SNRPN: variants seen among roughly 807,000 people sequenced by gnomAD.
The protein encoded by SNRPN is small nuclear ribonucleoprotein-associated protein N.
In SNRPN, 7 loss-of-function variants were observed where a neutral mutation model predicts 25.2. The ratio of observed to expected loss-of-function variants is 0.28; its 90% confidence interval spans 0.16 to 0.52. SNRPN has a LOEUF of 0.52. Among genes scored for constraint, SNRPN ranks in the 20% least tolerant of loss-of-function variants. SNRPN has a pLI of 0.96. For missense variants in SNRPN, 196 were observed against 322.5 expected (o/e 0.61, Z 3.00); for synonymous variants, 124 against 110.6 (o/e 1.12, Z -0.76).
chr15:24,915,109 A>C (rs2059432956), intron 2 of SNRPN, among the ~76,000 whole-genome samples: 2 of 151,730 alleles, frequency 1.3e-5, no homozygotes, highest in South Asian at 4.2e-4. Flanking sequence ...CAAGGAGAAG[A>C]GGGTTCTTTT....
intron 1 of SNRPN, among the ~76,000 whole-genome samples, chr15:24,877,236 A>G (rs2056000019): frequency 6.6e-6 from 1 of 152,202 alleles, no homozygotes; most frequent in Non-Finnish European, 1.5e-5. Flanking sequence ...ATGCTAGTTC[A>G]ATAATGAATT....
chr15:24,917,692 G>A (rs2152414748), intron 2 of SNRPN, among the ~76,000 whole-genome samples: 1 of 152,386 alleles, frequency 6.6e-6, no homozygotes, highest in East Asian at 1.9e-4. Context: ...GAGGATGTTG[G>A]TGCTGCTCTT....
chr15:24,939,390 G>A (rs991556221), intron 3 of SNRPN, among the ~76,000 whole-genome samples: 1 of 152,100 alleles, frequency 6.6e-6, no homozygotes, highest in South Asian at 2.1e-4. Flanking sequence ...TGTCTTTGGA[G>A]AATTCTTATT....
At chr15:24,902,627 GT>G (rs1240348540) in intron 2 of SNRPN, among the ~76,000 whole-genome samples, 4 of 152,108 alleles carry the variant, frequency 2.6e-5, no homozygotes, top group Admixed American at 2.6e-4. Flanking sequence ...TGTGTCCAGA[GT>G]TTCTTCCTTC....
At chr15:24,914,353 C>G (rs1271077920) in intron 2 of SNRPN, among the ~76,000 whole-genome samples, 1 of 152,108 alleles carries the variant, frequency 6.6e-6, no homozygotes, top group East Asian at 1.9e-4. Flanking sequence ...AAGTACCTTT[C>G]AAAAGATACC....
intron 2 of SNRPN, among the ~76,000 whole-genome samples, chr15:24,916,153 G>A (rs55866223): frequency 0.13 from 20,268 of 151,762 alleles, 1,652 homozygotes; most frequent in African/African-American, 0.21. Context: ...TAGATAATGG[G>A]GTTTCACTAC....
chr15:24,873,472 A>G (rs557854577), intron 1 of SNRPN, among the ~76,000 whole-genome samples: 3 of 128,124 alleles, frequency 2.3e-5, no homozygotes, highest in South Asian at 5.5e-4. Flanking sequence ...TTTTGAGACA[A>G]AGTCTCGCTC....
At chr15:24,826,246 A>G (rs1311727465) in intron 1 of SNRPN, among the ~76,000 whole-genome samples, 1 of 151,994 alleles carries the variant, frequency 6.6e-6, no homozygotes, top group Non-Finnish European at 1.5e-5. Context: ...CACTGTTAAC[A>G]CTGTACTTGG....
intron 2 of SNRPN, among the ~76,000 whole-genome samples, chr15:24,919,762 C>G (rs1199596436): frequency 6.6e-6 from 1 of 152,148 alleles, no homozygotes; most frequent in African/African-American, 2.4e-5. Flanking sequence ...TAAGGAAGTT[C>G]TTGCTAAAGC....
At chr15:24,966,639 A>AG (rs1194936700) in intron 2 of SNRPN, among the ~76,000 whole-genome samples, 1 of 152,152 alleles carries the variant, frequency 6.6e-6, no homozygotes, top group Admixed American at 6.5e-5. Flanking sequence ...ACCCACCTTG[A>AG]GTAACAAACA....
At chr15:24,903,345 G>A (rs74003506) in intron 2 of SNRPN, among the ~76,000 whole-genome samples, 1,915 of 152,280 alleles carry the variant, frequency 0.013, 37 homozygotes, top group African/African-American at 0.044. Flanking sequence ...CCCAGTGTCT[G>A]AAAAGTGGTT....
At chr15:24,891,158 G>A (rs1267048245) in intron 2 of SNRPN, among the ~76,000 whole-genome samples, 27 of 151,898 alleles carry the variant, frequency 1.8e-4, no homozygotes, top group Non-Finnish European at 1.9e-4. Flanking sequence ...TGATCTGCCC[G>A]CCTTCGCCTC....
At chr15:24,823,676 T>C (rs1423733455) in exon 1 of SNRPN, 1 of 152,266 alleles carries the variant, frequency 6.6e-6, no homozygotes, top group Non-Finnish European at 1.5e-5. Flanking sequence ...CCACTGTAGC[T>C]GAGCTCAGAG....
chr15:24,841,859 T>C (rs1188207215), intron 2 of SNRPN, among the ~76,000 whole-genome samples: 3 of 152,156 alleles, frequency 2.0e-5, no homozygotes, highest in Non-Finnish European at 4.4e-5. Context: ...TCAGGGGCTG[T>C]CTGAATACTC....
intron 7 of SNRPN, among the ~76,000 whole-genome samples, chr15:24,977,464 A>C (rs1299643655): frequency 6.6e-6 from 1 of 151,922 alleles, no homozygotes; most frequent in Non-Finnish European, 1.5e-5. Flanking sequence ...CGTGGTGAAA[A>C]CCCTATCTCT....
intron 3 of SNRPN, among the ~76,000 whole-genome samples, chr15:24,927,475 AATTTTTTTTTTTTTTTTTT>A (rs1260432023): frequency 0.024 from 2,684 of 113,302 alleles, 177 homozygotes; most frequent in Middle Eastern, 0.054. Flanking sequence ...AAAGTTTTTA[AATTTTTTTTTTTTTTTTTT>A]TTTTTTTTTT....
intron 7 of SNRPN, 86 bp from the exon 8 acceptor site, chr15:24,977,692 A>T (rs977591924): frequency 3.1e-6 from 4 of 1,294,380 alleles, no homozygotes; most frequent in Non-Finnish European, 4.2e-6. Context: ...TTTGTAACTA[A>T]TTGGTCATTT....
At chr15:24,970,020 TGAAA>T (rs2076198763) in intron 3 of SNRPN, among the ~76,000 whole-genome samples, 1 of 152,184 alleles carries the variant, frequency 6.6e-6, no homozygotes, top group Non-Finnish European at 1.5e-5. Flanking sequence ...AGGAGCAGAT[TGAAA>T]GAAGAAAACA....
chr15:24,824,061 C>A (rs769042106), intron 1 of SNRPN, among the ~76,000 whole-genome samples: 3 of 151,968 alleles, frequency 2.0e-5, no homozygotes, highest in Non-Finnish European at 4.4e-5. Context: ...GAAAATAGCA[C>A]TTTATTAAGA....
Sources: gnomAD v4.1 joint callset for allele counts (sites outside exome capture counted in the v4.1 genomes callset) on GRCh38, gnomAD v4.1.1 for gene constraint, MANE v1.5 for transcripts, NCBI Gene and HGNC (gene_info 2026-07-23, HGNC 2026-07-21) for gene names.